The following TRIM14 variants were observed in gnomAD, a reference collection of about 807,000 sequenced individuals.
TRIM14 encodes the protein tripartite motif containing 14.
In TRIM14, 28 loss-of-function variants were observed where a neutral mutation model predicts 44.5. That is an observed-to-expected ratio of 0.63 (90% CI 0.47 to 0.86). The LOEUF (loss-of-function observed/expected upper bound fraction) is 0.86, where lower values mean the gene tolerates loss of function less well. Among genes scored for constraint, TRIM14 ranks in the 40% least tolerant of loss-of-function variants. The probability of loss-of-function intolerance (pLI) is 0.00; values close to 1 mark genes in which losing one functional copy is unlikely to be tolerated. For missense variants in TRIM14, 607 were observed against 611.1 expected, an observed-to-expected ratio of 0.99 and a Z score of 0.07; for synonymous variants, 299 against 269.2, an observed-to-expected ratio of 1.11 and a Z score of -1.08.
intron 1 of TRIM14, among the ~76,000 whole-genome samples, chr9:98,110,810 C>T (rs960867702): frequency 2.0e-5 from 3 of 148,738 alleles, no homozygotes; most frequent in Admixed American, 6.6e-5. Context: ...AGTTCGAGAC[C>T]AGCCTGGGCA....
intron 2 of TRIM14, 136 bp downstream of exon 2, chr9:98,109,753 T>C: frequency 5.6e-6 from 4 of 710,798 alleles, no homozygotes; most frequent in South Asian, 3.5e-5. Context: ...GAACCCTGAA[T>C]TATAGAAGCT....
At chr9:98,045,949 T>C in the TRIM14 span, among the ~76,000 whole-genome samples, 1 of 152,220 alleles carries the variant, frequency 6.6e-6, no homozygotes, top group Non-Finnish European at 1.5e-5. Context: ...CAACAGAAAT[T>C]GGACTGGGTC....
rs1297313917 is a variant in TRIM14 at position 98,087,964 on chromosome 9, G to A, written c.835C>T (p.Arg279Cys). 2.6e-6 allele frequency: 4 copies of A among 1,562,582 alleles called. No individual in the cohort carries two copies. Among genetic ancestry groups the A allele is most frequent in the Admixed American group, 1.8e-5 (1 of 55,724 alleles). ...PTLDPDTMHA[R>C]LRLSADRLTV... ...AGGCGATCGGCGGACAGGCGCAGGC[G>A]CGCGTGCATCGTGTCAGGATCCAGC... is the stretch of plus-strand genomic sequence containing the variant. The change falls in exon 6 of 6, where the codon CGC (arginine) becomes TGC (cysteine). Residue 279 changes from arginine (R) to cysteine (C), a missense_variant. Around this residue, in one of 3 missense-constraint regions of TRIM14, gnomAD observed 356 missense variants for 323.0 expected, o/e 1.10. Coordinates refer to ENST00000341469, the MANE Select transcript of TRIM14 (RefSeq NM_014788.4).
At position 98,087,797 on chromosome 9, in the gene TRIM14, G is replaced by C. The variant is rs563961121; in HGVS notation, c.1002C>G (p.Gly334=). ...WEVDVQEAGA[G]WWVGAAYASL... ...AGGCGTAGGCCGCGCCCACCCACCA[G>C]CCGGCGCCCGCCTCCTGCACGTCAA... Residue 334 remains glycine (G), a synonymous_variant, in exon 6 of 6, where the codon GGC becomes GGG. Transcript: ENST00000341469. 69 of 1,503,160 alleles carry C rather than the reference G, an allele frequency of 4.6e-5. No homozygotes were observed. The African/African-American group carries it at 8.1e-4, about 18-fold the overall frequency. The allele number at this position is 1,503,160 out of a possible 1,614,324, so 93.1% of individuals were successfully genotyped here.
intron 2 of TRIM14, among the ~76,000 whole-genome samples, chr9:98,100,832 A>G (rs1468432237): frequency 2.6e-5 from 4 of 152,142 alleles, no homozygotes; most frequent in African/African-American, 9.6e-5. Flanking sequence ...TAAAAGTAAA[A>G]ATAATTAAAA....
At chr9:98,042,883 A>G in the TRIM14 span, among the ~76,000 whole-genome samples, 1 of 152,026 alleles carries the variant, frequency 6.6e-6, no homozygotes, top group Non-Finnish European at 1.5e-5. Flanking sequence ...AAAAAAAAAA[A>G]GAGTTTACTT....
At chr9:98,094,138 G>C (rs989373335) in intron 4 of TRIM14, among the ~76,000 whole-genome samples, 3 of 152,352 alleles carry the variant, frequency 2.0e-5, no homozygotes, top group Middle Eastern at 6.8e-3. Flanking sequence ...CACCAAAAGA[G>C]GAGAAGGAGC....
Position 98,094,860 on chromosome 9 carries a change from G to A in TRIM14, c.700+7C>T, listed in dbSNP as rs892081513. The A allele has an allele frequency of 8.7e-6, 14 of 1,612,694 alleles. No individual in the cohort carries two copies. Among genetic ancestry groups the A allele is most frequent in the Middle Eastern group, 1.6e-4 (1 of 6,072 alleles). On this transcript the variant is annotated splice_region_variant and intron_variant, in intron 4 of 5. Transcript: ENST00000341469. ...AAGGACACAAAGTTGGTCACTCGGCGACTTACTTTCCTTAAGGCGAATGTC... is the reference window on the plus strand; with the variant it reads ...AAGGACACAAAGTTGGTCACTCGGCAACTTACTTTCCTTAAGGCGAATGTC...
At chr9:98,039,333 A>G in the TRIM14 span, among the ~76,000 whole-genome samples, 1 of 152,116 alleles carries the variant, frequency 6.6e-6, no homozygotes, top group African/African-American at 2.4e-5. Flanking sequence ...TGGGACAGTG[A>G]AAGAGCTCTA....
the TRIM14 span, among the ~76,000 whole-genome samples, chr9:98,061,640 C>T: frequency 4.7e-5 from 7 of 150,364 alleles, no homozygotes; most frequent in African/African-American, 1.2e-4. Context: ...ATTAGCTGGG[C>T]GTGGTGGCAT....
At position 98,087,526 on chromosome 9, in the gene TRIM14, G is replaced by A. The variant is rs761855637; in HGVS notation, c.1273C>T (p.Leu425Phe). The A allele has an allele frequency of 3.8e-6, 6 of 1,597,932 alleles. No individual in the cohort carries two copies. The highest frequency in any genetic ancestry group is 5.1e-6 in the Non-Finnish European group (6 of 1,173,448). ...HTFRATFQEP[L>F]YPALRLWEGA... ...TCCCAGAGCCGCAGGGCCGGGTAGA[G>A]CGGCTCCTGGAACGTGGCGCGGAAG... Residue 425 changes from leucine to phenylalanine, a missense_variant, in exon 6 of 6, where the codon CTC becomes TTC. Leu to Phe is a conservative substitution (Grantham distance 22). This residue lies in a region of TRIM14 where 356 missense variants were observed against 323.0 expected (regional missense o/e 1.10). Transcript: ENST00000341469.
At chr9:98,104,827 T>C (rs1183302295) in intron 2 of TRIM14, among the ~76,000 whole-genome samples, 1 of 152,214 alleles carries the variant, frequency 6.6e-6, no homozygotes, top group East Asian at 1.9e-4. Flanking sequence ...CTCTGGGTCC[T>C]GTGGAGAGTG....
the TRIM14 span, among the ~76,000 whole-genome samples, chr9:98,057,277 C>T: frequency 2.0e-5 from 3 of 152,196 alleles, no homozygotes; most frequent in African/African-American, 7.2e-5. Flanking sequence ...AGTCGAAACC[C>T]TTTAACATAG....
chr9:98,078,830 CA>C (rs1440959566), intron 6 of TRIM14, among the ~76,000 whole-genome samples: 2 of 85,664 alleles, frequency 2.3e-5, no homozygotes, highest in East Asian at 2.6e-4. Context: ...GTGAGACTCT[CA>C]GGGGGAAAAA....
the TRIM14 span, among the ~76,000 whole-genome samples, chr9:98,054,116 C>T: frequency 1.3e-5 from 2 of 152,118 alleles, no homozygotes; most frequent in African/African-American, 4.8e-5. Flanking sequence ...AGAGTTACCC[C>T]TTAACAGTCA....
the TRIM14 span, among the ~76,000 whole-genome samples, chr9:98,039,424 AAAATT>A: frequency 6.6e-6 from 1 of 152,190 alleles, no homozygotes; most frequent in South Asian, 2.1e-4. Context: ...ACTTTGGGAG[AAAATT>A]AGTTTATAGT....
At chr9:98,061,142 C>G in the TRIM14 span, 1 of 723,564 alleles carries the variant, frequency 1.4e-6, no homozygotes, top group Non-Finnish European at 2.3e-6. Context: ...GGCGCCAAAG[C>G]CCAGTGAGAA....
the TRIM14 span, among the ~76,000 whole-genome samples, chr9:98,046,651 G>A: frequency 6.6e-6 from 1 of 152,060 alleles, no homozygotes; most frequent in South Asian, 2.1e-4. Context: ...ATATTGGCCA[G>A]GCTGATCTTG....
At chr9:98,053,797 A>C in the TRIM14 span, among the ~76,000 whole-genome samples, 10 of 142,438 alleles carry the variant, frequency 7.0e-5, no homozygotes, top group African/African-American at 2.3e-4. Flanking sequence ...GGCCAAGCCC[A>C]CTACAAAATA....
Sources: allele counts gnomAD v4.1 joint callset (sites outside exome capture counted in the v4.1 genomes callset), GRCh38; gene constraint gnomAD v4.1.1; regional missense constraint gnomAD v4.1.1; transcripts MANE v1.5; gene names NCBI Gene and HGNC (gene_info 2026-07-23, HGNC 2026-07-21).